CAMTA1: variants seen among roughly 807,000 people sequenced by gnomAD.
CAMTA1 encodes the protein calmodulin-binding transcription activator 1.
CAMTA1 carries 27 observed loss-of-function variants against 170.9 expected under a neutral mutation model. The observed-to-expected ratio is 0.16, with a 90% CI of 0.12 to 0.22. The LOEUF (loss-of-function observed/expected upper bound fraction) is 0.22. CAMTA1 is among the 10% of genes least tolerant of loss of function. The pLI, the probability that CAMTA1 is intolerant of heterozygous loss-of-function variation, is 1.00. For missense variants in CAMTA1, 1,619 were observed against 2,217.2 expected (o/e 0.73, Z 5.42); for synonymous variants, 833 against 891.5 (o/e 0.93, Z 1.17).
chr1:6,910,742 C>T (rs767680081), intron 3 of CAMTA1, among the ~76,000 whole-genome samples: 4 of 152,166 alleles, frequency 2.6e-5, no homozygotes, highest in Non-Finnish European at 5.9e-5. Context: ...GGAAATATTT[C>T]AAAGGCGGAG....
intron 11 of CAMTA1, among the ~76,000 whole-genome samples, chr1:7,707,526 C>T (rs1031605417): frequency 4.6e-5 from 7 of 152,078 alleles, no homozygotes; most frequent in African/African-American, 1.7e-4. Context: ...CAGGTACACA[C>T]CACCATGCCC....
At chr1:7,361,638 C>T (rs976457662) in intron 5 of CAMTA1, among the ~76,000 whole-genome samples, 1 of 152,200 alleles carries the variant, frequency 6.6e-6, no homozygotes, top group Non-Finnish European at 1.5e-5. Context: ...AGATGAATCT[C>T]ATTTCATGCA....
intron 3 of CAMTA1, among the ~76,000 whole-genome samples, chr1:7,071,172 G>C (rs1433610508): frequency 6.6e-6 from 1 of 152,210 alleles, no homozygotes; most frequent in African/African-American, 2.4e-5. Context: ...AGATGGTAAA[G>C]GTGGATTGGG....
At chr1:6,967,731 A>T (rs1691807839) in intron 3 of CAMTA1, among the ~76,000 whole-genome samples, 1 of 152,114 alleles carries the variant, frequency 6.6e-6, no homozygotes, top group Admixed American at 6.6e-5. Flanking sequence ...CATTTCATAG[A>T]TGGTGACATG....
At chr1:7,103,703 T>C (rs1295566470) in intron 4 of CAMTA1, among the ~76,000 whole-genome samples, 1 of 142,942 alleles carries the variant, frequency 7.0e-6, no homozygotes, top group Non-Finnish European at 1.5e-5. Context: ...CAACTACACA[T>C]ATGTATACAT....
At chr1:6,967,501 C>T (rs1691770773) in intron 3 of CAMTA1, among the ~76,000 whole-genome samples, 1 of 152,146 alleles carries the variant, frequency 6.6e-6, no homozygotes, top group Non-Finnish European at 1.5e-5. Flanking sequence ...TGTTGCTTGC[C>T]ATTCAGAGAG....
chr1:7,351,510 G>A (rs1226791220), intron 5 of CAMTA1, among the ~76,000 whole-genome samples: 3 of 152,242 alleles, frequency 2.0e-5, no homozygotes, highest in Non-Finnish European at 4.4e-5. Context: ...GAAGCAGCAG[G>A]TCGGGGGACC....
intron 3 of CAMTA1, among the ~76,000 whole-genome samples, chr1:6,881,574 T>C (rs1303439470): frequency 6.6e-6 from 1 of 152,180 alleles, no homozygotes; most frequent in Admixed American, 6.5e-5. Context: ...GGAAGTAGTG[T>C]CCTGTGCAGC....
Position 7,508,811 on chromosome 1 carries a change from G to A in CAMTA1, c.510+40910G>A, listed in dbSNP as rs182083547. ...CTCCCAGCCCTGGCCCTGGAGGAGA[G>A]GGGCATCCACACCCACTTAGCCTGT... On this transcript the variant is annotated intron_variant, in intron 6 of 22. Coordinates refer to ENST00000303635, the MANE Select transcript of CAMTA1 (RefSeq NM_015215.4). 1.4e-4 allele frequency among the ~76,000 whole-genome samples: 22 copies of A among 152,270 alleles called. No individual in the cohort carries two copies. In the East Asian group the frequency reaches 4.1e-3, roughly 28 times the overall value.
chr1:7,402,208 G>A (rs554377690), intron 5 of CAMTA1, among the ~76,000 whole-genome samples: 18 of 152,292 alleles, frequency 1.2e-4, no homozygotes, highest in Admixed American at 1.1e-3. Context: ...GGTGGGATGA[G>A]TCAGGAGACA....
intron 4 of CAMTA1, among the ~76,000 whole-genome samples, chr1:7,209,959 CAT>C (rs959561286): frequency 6.6e-6 from 1 of 152,200 alleles, no homozygotes; most frequent in African/African-American, 2.4e-5. Context: ...TGTGCATGCA[CAT>C]GACTGAACCA....
chr1:7,711,153 C>A (rs944599647), intron 11 of CAMTA1, among the ~76,000 whole-genome samples: 1 of 152,184 alleles, frequency 6.6e-6, no homozygotes, highest in Non-Finnish European at 1.5e-5. Flanking sequence ...TTCTGAGTTG[C>A]AGACTGCCAA....
At position 7,457,369 on chromosome 1, in the gene CAMTA1, T is replaced by C. The variant is rs185454700; in HGVS notation, c.439-10461T>C. ...GTCGTTAGGCCGGCGGCCGCTTTAT[T>C]TAGATGTTTCCCCTGCAGATACTTG... is the stretch of plus-strand genomic sequence containing the variant. On this transcript the variant is annotated intron_variant, in intron 5 of 22. Coordinates refer to ENST00000303635, the MANE Select transcript of CAMTA1 (RefSeq NM_015215.4). 5.3e-5 allele frequency among the ~76,000 whole-genome samples: 8 copies of C among 152,246 alleles called. No individual in the cohort carries two copies. In the East Asian group the frequency reaches 1.4e-3, roughly 26 times the overall value.
intron 4 of CAMTA1, among the ~76,000 whole-genome samples, chr1:7,118,180 TC>T (rs1274324045): frequency 6.6e-6 from 1 of 151,946 alleles, no homozygotes; most frequent in Non-Finnish European, 1.5e-5. Flanking sequence ...AGTTTCTAGA[TC>T]CAGCCACTGT....
chr1:7,607,181 A>G (rs2150631931), intron 6 of CAMTA1, among the ~76,000 whole-genome samples: 1 of 148,786 alleles, frequency 6.7e-6, no homozygotes, highest in South Asian at 2.2e-4. Context: ...GGATGGAATG[A>G]TGAGTGGATG....
rs1356311683 is a variant in CAMTA1, at chr1:7,113,992, C to T, written c.302+22621C>T. 1.3e-5 allele frequency among the ~76,000 whole-genome samples: 2 copies of T among 152,208 alleles called. No homozygotes were observed. The highest frequency in any genetic ancestry group is 2.9e-5 in the Non-Finnish European group (2 of 68,042). On this transcript the variant is annotated intron_variant, in intron 4 of 22. Transcript: ENST00000303635. The surrounding 1 kb of genome is among the most constrained non-coding windows in gnomAD (Gnocchi z 4.5). ...CTTCAGGGCTGGCCTTCCCTCTTCA[C>T]AGCCCCTCCCACCACTGCTGTAACC...
intron 6 of CAMTA1, among the ~76,000 whole-genome samples, chr1:7,549,072 G>A (rs2094759172): frequency 7.1e-6 from 1 of 141,698 alleles, no homozygotes; most frequent in Admixed American, 6.9e-5. Flanking sequence ...GGTGCCCATG[G>A]AGGGTGCCTC....
intron 3 of CAMTA1, among the ~76,000 whole-genome samples, chr1:6,829,702 C>T (rs1198911060): frequency 4.6e-5 from 7 of 152,174 alleles, no homozygotes; most frequent in Non-Finnish European, 1.0e-4. Flanking sequence ...CTAATGTACC[C>T]GCAGTCAGAG....
At chr1:7,188,220 A>G (rs1653826956) in intron 4 of CAMTA1, among the ~76,000 whole-genome samples, 1 of 152,182 alleles carries the variant, frequency 6.6e-6, no homozygotes, top group Admixed American at 6.5e-5. Flanking sequence ...GAGGATTACA[A>G]TTCAAGATGA....
Sources: allele counts gnomAD v4.1 joint callset (sites outside exome capture counted in the v4.1 genomes callset), GRCh38; gene constraint gnomAD v4.1.1; non-coding constraint Gnocchi (gnomAD v3.1); transcripts MANE v1.5; gene names NCBI Gene and HGNC (gene_info 2026-07-23, HGNC 2026-07-21).